The following ZMIZ2 variants were observed in gnomAD, a reference collection of about 807,000 sequenced individuals.
ZMIZ2 encodes zinc finger MIZ domain-containing protein 2.
In ZMIZ2, 26 loss-of-function variants were observed where a neutral mutation model predicts 93.9. The ratio of observed to expected loss-of-function variants is 0.28; its 90% confidence interval spans 0.20 to 0.38. The LOEUF is 0.38. Among genes scored for constraint, ZMIZ2 ranks in the 10% least tolerant of loss-of-function variants. ZMIZ2 has a pLI of 1.00. For missense variants in ZMIZ2, 1,023 were observed against 1,235.0 expected, an observed-to-expected ratio of 0.83 and a Z score of 2.57; for synonymous variants, 485 against 516.4, an observed-to-expected ratio of 0.94 and a Z score of 0.82.
In ZMIZ2 at chr7:44,766,718, G is replaced by T; in HGVS notation, c.2655+55G>T. On this transcript the variant is annotated intron_variant, in intron 18 of 18. Coordinates refer to ENST00000309315, the MANE Select transcript of ZMIZ2 (RefSeq NM_031449.4). This position sits in a 1 kb window ranked among gnomAD's most constrained non-coding sequence, Gnocchi z 4.4. ...CGTGGGAGCCAGGGCTAGAGGTGGT[G>T]TGTCTGTTCCAGGTGCGTTCTGGAA... is the stretch of plus-strand genomic sequence containing the variant. 2 of 1,599,106 alleles carry T rather than the reference G, an allele frequency of 1.3e-6. No homozygotes were observed. The highest frequency in any genetic ancestry group is 1.7e-6 in the Non-Finnish European group (2 of 1,170,622).
intron 1 of ZMIZ2, among the ~76,000 whole-genome samples, chr7:44,750,532 C>A (rs141022831): frequency 6.6e-6 from 1 of 152,316 alleles, no homozygotes; most frequent in African/African-American, 2.4e-5. Context: ...GATGTGTGAC[C>A]TATTGAGAAG....
chr7:44,756,042 C>A (rs988860860), intron 1 of ZMIZ2, 146 bp from the exon 2 acceptor site: 32 of 653,646 alleles, frequency 4.9e-5, no homozygotes, highest in Non-Finnish European at 7.3e-5. Context: ...CAGTACTAGG[C>A]CCCTCCACTG....
Position 44,766,421 on chromosome 7 carries a change from A to T in ZMIZ2, c.2413A>T (p.Met805Leu). 6.2e-7 allele frequency: 1 copy of T among 1,614,100 alleles called. No individual in the cohort carries two copies. The highest frequency in any genetic ancestry group is 8.5e-7 in the Non-Finnish European group (1 of 1,180,000). The part of the protein sequence containing the change: ...EKSTACLPSQ[M>L]APAGHLDPTH... ...AACAAATTCTTCTCTCTGTCTTCAG[A>T]TGGCACCAGCAGGTCACCTGGACCC... Residue 805 changes from methionine to leucine, a missense_variant and splice_region_variant, in exon 18 of 19, where the codon ATG (methionine) becomes TTG (leucine). Met to Leu is a conservative substitution (Grantham distance 15). Transcript: ENST00000309315. The surrounding 1 kb of genome is among the most constrained non-coding windows in gnomAD (Gnocchi z 4.4).
rs1562747242 is a variant in ZMIZ2, at chr7:44,765,410, CAAG to C, written c.2074_2076del (p.Lys692del). 1 of 1,612,494 alleles carries C rather than the reference CAAG, an allele frequency of 6.2e-7. No homozygotes were observed. Among genetic ancestry groups the C allele is most frequent in the South Asian group, 1.1e-5 (1 of 91,086 alleles). ...TGCCCGTGAAGCCTGACATGCACAT[CAAG>C]GAGGAGCCGGATGGGCCAGCACTGA... On this transcript the variant is annotated inframe_deletion, in exon 16 of 19. Coordinates refer to ENST00000309315, the MANE Select transcript of ZMIZ2 (RefSeq NM_031449.4). The surrounding 1 kb of genome is among the most constrained non-coding windows in gnomAD (Gnocchi z 4.1).
At chr7:44,759,988 C>T (rs1202622467) in intron 7 of ZMIZ2, 163 bp from the exon 8 acceptor site, 5 of 742,058 alleles carry the variant, frequency 6.7e-6, no homozygotes, top group African/African-American at 3.6e-5. Flanking sequence ...GATCATTTTC[C>T]TCTGTGGCTA....
intron 1 of ZMIZ2, 73 bp from the exon 2 acceptor site, chr7:44,756,115 G>A (rs1236453822): frequency 4.1e-6 from 5 of 1,234,374 alleles, no homozygotes; most frequent in Middle Eastern, 2.4e-4. Flanking sequence ...TGCTGGCACC[G>A]GGGTCCCTCC....
chr7:44,750,773 T>C (rs1790072598), intron 1 of ZMIZ2, among the ~76,000 whole-genome samples: 1 of 151,696 alleles, frequency 6.6e-6, no homozygotes, highest in Non-Finnish European at 1.5e-5. Flanking sequence ...ACCTTGTCCA[T>C]CTCTCAAGGG....
At chr7:44,756,796 A>G in intron 3 of ZMIZ2, 151 bp from the exon 4 acceptor site, 1 of 995,858 alleles carries the variant, frequency 1.0e-6, no homozygotes, top group Non-Finnish European at 1.5e-6. Flanking sequence ...CCCTGTGGAC[A>G]GCTGCTTTCC....
chr7:44,753,472 C>T (rs1790333341), intron 1 of ZMIZ2, among the ~76,000 whole-genome samples: 1 of 152,140 alleles, frequency 6.6e-6, no homozygotes, highest in Non-Finnish European at 1.5e-5. Flanking sequence ...TCTTGAACTC[C>T]TGGGCTCAAG....
Position 44,765,816 on chromosome 7 carries a change from T to C in ZMIZ2, c.2242+237T>C. The C allele has an allele frequency of 3.0e-6, 3 of 1,011,972 alleles. No homozygotes were observed. Among genetic ancestry groups the C allele is most frequent in the South Asian group, 1.8e-5 (1 of 56,266 alleles). The allele number at this position is 1,011,972 out of a possible 1,614,324, so 62.7% of individuals were successfully genotyped here. On this transcript the variant is annotated intron_variant, in intron 16 of 18. Coordinates refer to ENST00000309315, the MANE Select transcript of ZMIZ2 (RefSeq NM_031449.4). This position sits in a 1 kb window ranked among gnomAD's most constrained non-coding sequence, Gnocchi z 4.1. ...AAACAGACAGTGGGGCCTCCACCCT[T>C]CCTTCCCCGTTTGGATTAAGGGGCT...
At chr7:44,754,452 C>G (rs755844734) in intron 1 of ZMIZ2, among the ~76,000 whole-genome samples, 3 of 152,162 alleles carry the variant, frequency 2.0e-5, no homozygotes, top group Non-Finnish European at 4.4e-5. Flanking sequence ...CTAATTGGTA[C>G]CCCCCAGTCC....
intron 1 of ZMIZ2, among the ~76,000 whole-genome samples, chr7:44,749,626 C>T (rs2116565390): frequency 6.6e-6 from 1 of 152,298 alleles, no homozygotes. Flanking sequence ...CTTGTCTTCC[C>T]TAGTGCCAGG....
chr7:44,755,710 G>T (rs541209467), intron 1 of ZMIZ2, among the ~76,000 whole-genome samples: 4 of 152,296 alleles, frequency 2.6e-5, no homozygotes, highest in Admixed American at 2.6e-4. Context: ...GGGCTACTCA[G>T]GGTAGACAAG....
Position 44,769,146 on chromosome 7 carries a change from TTGG to T in ZMIZ2, c.*1527_*1529del, listed in dbSNP as rs199813463. 371 of 152,874 alleles carry T rather than the reference TTGG, an allele frequency of 2.4e-3. 4 individuals are homozygous for T. In the East Asian group the frequency reaches 0.036, roughly 15 times the overall value. 9.5% of individuals were successfully genotyped at this position (152,874 alleles called of 1,614,324 possible). ...CCTGCCTACCATCTGCCTGTCCAGC[TTGG>T]TGGGGGTCCGGGTCACCATTTCCTC... On this transcript the variant is annotated 3_prime_UTR_variant, in exon 19 of 19. Transcript: ENST00000309315.
In ZMIZ2 at chr7:44,766,203, T is replaced by TTCCCCCCCCCCCCCC; in HGVS notation, c.2282_2283insTCCCCCCCCCCCCCC (p.Pro763_Thr764insProProProProPro). ...GGGCCTGGAACTTTCCCTGAGTCCTTCCCACCCACCACGCCCAGCACCCCA... is the reference window on the plus strand; with the variant it reads ...GGGCCTGGAACTTTCCCTGAGTCCTTTCCCCCCCCCCCCCCCCCACCCACCACGCCCAGCACCCCA... On this transcript the variant is annotated inframe_insertion, in exon 17 of 19. Transcript: ENST00000309315. This position sits in a 1 kb window ranked among gnomAD's most constrained non-coding sequence, Gnocchi z 4.4. 6.3e-7 allele frequency: 1 copy of TTCCCCCCCCCCCCCC among 1,598,502 alleles called. No homozygotes were observed. The highest frequency in any genetic ancestry group is 8.6e-7 in the Non-Finnish European group (1 of 1,167,528).
Position 44,761,562 on chromosome 7 carries a change from C to G in ZMIZ2, c.1354C>G (p.Arg452Gly). 2 of 1,614,072 alleles carry G rather than the reference C, an allele frequency of 1.2e-6. No individual in the cohort carries two copies. The highest frequency in any genetic ancestry group is 1.1e-5 in the South Asian group (1 of 91,078). The change falls in exon 10 of 19, where the codon CGA becomes GGA. Residue 452 changes from arginine to glycine, a missense_variant. This residue lies in a region of ZMIZ2 where 656 missense variants were observed against 777.1 expected (regional missense o/e 0.84). Coordinates refer to ENST00000309315, the MANE Select transcript of ZMIZ2 (RefSeq NM_031449.4). This position sits in a 1 kb window ranked among gnomAD's most constrained non-coding sequence, Gnocchi z 5.8. The stretch of plus-strand genomic sequence containing the variant: ...TGTAAGCAACCATGTCTTCCAGCTG[C>G]GAGACTCAGTCTACAAGACCCTGAT... Reference protein sequence around the residue: ...LAVSNHVFQLRDSVYKTLIMR... With the variant: ...LAVSNHVFQLGDSVYKTLIMR...
In ZMIZ2 at chr7:44,768,391, T is replaced by TG. The variant is rs1281305268; in HGVS notation, c.*773dup. On this transcript the variant is annotated 3_prime_UTR_variant, in exon 19 of 19. Transcript: ENST00000309315. The stretch of plus-strand genomic sequence containing the variant: ...AGATCAGGGAGGAACCTCCAATGGG[T>TG]GGGGGACAGTGAGCTTCGGCCTGGC... 1.3e-5 allele frequency: 2 copies of TG among 152,316 alleles called. No homozygotes were observed. The highest frequency in any genetic ancestry group is 6.6e-5 in the Admixed American group (1 of 15,258). The allele number at this position is 152,316 out of a possible 1,614,324, so 9.4% of individuals were successfully genotyped here.
chr7:44,756,789 T>C, intron 3 of ZMIZ2, 158 bp from the exon 4 acceptor site: 1 of 956,194 alleles, frequency 1.0e-6, no homozygotes. Context: ...CCAACCTCCC[T>C]GTGGACAGCT....
Position 44,763,651 on chromosome 7 carries a change from G to T in ZMIZ2, c.1860+238G>T, listed in dbSNP as rs186773521. The T allele has an allele frequency of 1.7e-4, 98 of 560,772 alleles. No individual in the cohort carries two copies. The highest frequency in any genetic ancestry group is 1.6e-3 in the African/African-American group (83 of 52,958). 34.7% of individuals were successfully genotyped at this position (560,772 alleles called of 1,614,324 possible). ...TTTTTTACTGCCTGCTTCATTCATG[G>T]GTTCAAGTTTTGAAAGGCATAAGAT... On this transcript the variant is annotated intron_variant, in intron 13 of 18. Coordinates refer to ENST00000309315, the MANE Select transcript of ZMIZ2 (RefSeq NM_031449.4). The surrounding 1 kb of genome is among the most constrained non-coding windows in gnomAD (Gnocchi z 5.6).
Sources: gnomAD v4.1 joint callset for allele counts (sites outside exome capture counted in the v4.1 genomes callset) on GRCh38, gnomAD v4.1.1 for gene constraint, gnomAD v4.1.1 regional missense constraint, Gnocchi (gnomAD v3.1) non-coding constraint, MANE v1.5 for transcripts, NCBI Gene and HGNC (gene_info 2026-07-23, HGNC 2026-07-21) for gene names.